CDK10: variants seen among roughly 807,000 people sequenced by gnomAD.
CDK10 encodes cyclin-dependent kinase 10.
Under a neutral mutation model 51.0 loss-of-function variants are expected in CDK10, and 55 were observed. The ratio of observed to expected loss-of-function variants is 1.08; its 90% CI spans 0.87 to 1.35. The LOEUF is 1.35. CDK10 is among the 40% of genes most tolerant of loss of function. The pLI is 0.00. For synonymous variants in CDK10, 255 were observed against 199.1 expected (o/e 1.28, Z -2.36); for missense variants, 589 against 485.1 (o/e 1.21, Z -2.01).
intron 5 of CDK10, 40 bp downstream of exon 5, chr16:89,691,927 A>G (rs1337571046): frequency 3.9e-6 from 6 of 1,547,004 alleles, no homozygotes; most frequent in East Asian, 2.2e-5. Flanking sequence ...AATGGGCTTC[A>G]TGGGCCCTTG....
At chr16:89,686,965 C>G in intron 1 of CDK10, 168 bp downstream of exon 1, 1 of 577,398 alleles carries the variant, frequency 1.7e-6, no homozygotes, top group Non-Finnish European at 2.9e-6. Flanking sequence ...GGGGCGGGCT[C>G]AGGACCCCCG....
At chr16:89,695,251 G>A (rs28548187) in intron 11 of CDK10, 42 bp from the exon 12 acceptor site, 3 of 1,584,564 alleles carry the variant, frequency 1.9e-6, no homozygotes, top group East Asian at 2.3e-5. Flanking sequence ...AGGTGAGGAA[G>A]CCGCACTCAC....
intron 9 of CDK10, 85 bp from the exon 10 acceptor site, chr16:89,694,580 G>T: frequency 6.5e-7 from 1 of 1,539,486 alleles, no homozygotes; most frequent in Non-Finnish European, 8.7e-7. Flanking sequence ...GTCAGCAAAG[G>T]TCTGGCTGCA....
chr16:89,693,175 G>A (rs2060532525), intron 6 of CDK10, 99 bp from the exon 7 acceptor site: 1 of 1,001,360 alleles, frequency 1.0e-6, no homozygotes. Context: ...GCCCAAAGCT[G>A]AGGAAACGTG....
In CDK10 at chr16:89,692,175, TGCTGGGA is replaced by T. The variant is rs1053653457; in HGVS notation, c.418-271_418-265del. 22 of 561,964 alleles carry T rather than the reference TGCTGGGA, an allele frequency of 3.9e-5. No individual in the cohort carries two copies. The Admixed American group carries it at 4.8e-4, about 12-fold the overall frequency. 34.8% of individuals were successfully genotyped at this position (561,964 alleles called of 1,614,324 possible). A position where few individuals can be genotyped will look rare whatever the true frequency, so the allele number is the denominator to read the frequency against. ...TTCTGAGGGCACTGGTTTCCTGGGC[TGCTGGGA>T]GCGGGGAGCCCTGGGCGGAGAGCCT... On this transcript the variant is annotated intron_variant, in intron 5 of 12. Transcript: ENST00000353379.
chr16:89,693,803 C>T (rs2151589975), intron 8 of CDK10: 3 of 542,840 alleles, frequency 5.5e-6, no homozygotes, highest in South Asian at 2.1e-5. Context: ...CCTGGTTCTT[C>T]CTCCTGGATA....
At position 89,695,799 on chromosome 16, in the gene CDK10, TC is replaced by T; in HGVS notation, c.*111del. 1 of 1,562,538 alleles carries T rather than the reference TC, an allele frequency of 6.4e-7. No homozygotes were observed. The highest frequency in any genetic ancestry group is 1.3e-5 in the African/African-American group (1 of 74,244). The stretch of plus-strand genomic sequence containing the variant: ...GACCAGGCGCCCGGGATCCAGCTCA[TC>T]CCCTTGGCTGGGAACATCCTCCACT... On this transcript the variant is annotated 3_prime_UTR_variant, in exon 13 of 13. Transcript: ENST00000353379.
intron 2 of CDK10, 49 bp downstream of exon 2, chr16:89,689,373 G>A (rs1049111110): frequency 6.5e-7 from 1 of 1,545,454 alleles, no homozygotes; most frequent in South Asian, 1.1e-5. Flanking sequence ...GGCTGTGACA[G>A]TGTGGGACGA....
chr16:89,694,718 G>GC lies in CDK10; in HGVS notation c.723dup (p.Thr242HisfsTer19), dbSNP rs755739604. The GC allele has an allele frequency of 6.3e-7, 1 of 1,582,732 alleles. No homozygotes were observed. The highest frequency in any genetic ancestry group is 8.6e-7 in the Non-Finnish European group (1 of 1,165,026). ...CTGGCGCACAGGCCTCTTCTCCCCG[G>GC]CACTTCCGAGATCCACCAGATCGAC... On this transcript the variant is annotated frameshift_variant, in exon 10 of 13. Transcript: ENST00000353379. LOFTEE classifies it high-confidence loss of function.
chr16:89,687,355 G>T, intron 1 of CDK10: 1 of 417,436 alleles, frequency 2.4e-6, no homozygotes, highest in South Asian at 1.7e-5. Context: ...GGTGGGGGTG[G>T]AGAGCCCTGA....
chr16:89,693,436 A>G lies in CDK10; in HGVS notation c.577A>G (p.Lys193Glu). 2 of 1,614,146 alleles carry G rather than the reference A, an allele frequency of 1.2e-6. No homozygotes were observed. The highest frequency in any genetic ancestry group is 3.3e-4 in the Middle Eastern group (2 of 6,048). The change falls in exon 8 of 13, where the codon AAG becomes GAG. Residue 193 changes from lysine (K) to glutamate (E), a missense_variant. Physicochemically the swap from Lys to Glu is moderately conservative, Grantham distance 56. Coordinates refer to ENST00000353379, the MANE Select transcript of CDK10 (RefSeq NM_052988.5). ...GLARAYGVPV[K>E]PMTPKVVTLW... ...GGCCCGGGCCTATGGTGTCCCAGTA[A>G]AGCCAATGACCCCCAAGGTGGTCAC... is the stretch of plus-strand genomic sequence containing the variant.
At chr16:89,695,524 G>T in intron 12 of CDK10, 71 bp from the exon 13 acceptor site, 1 of 1,537,968 alleles carries the variant, frequency 6.5e-7, no homozygotes, top group South Asian at 1.2e-5. Context: ...GGCAGAGCTG[G>T]ACTCAGACCT....
chr16:89,695,842 C>A lies in CDK10; in HGVS notation c.*150C>A. ...TCCTCCACTGACTTCCTCCCACTGT[C>A]TGCCCTGAACCCACTGCTGCCCCCA... On this transcript the variant is annotated 3_prime_UTR_variant, in exon 13 of 13. Coordinates refer to ENST00000353379, the MANE Select transcript of CDK10 (RefSeq NM_052988.5). 6.6e-7 allele frequency: 1 copy of A among 1,513,852 alleles called. No individual in the cohort carries two copies. The highest frequency in any genetic ancestry group is 1.2e-5 in the South Asian group (1 of 83,614). 93.8% of individuals were successfully genotyped at this position (1,513,852 alleles called of 1,614,324 possible).
intron 9 of CDK10, 97 bp from the exon 10 acceptor site, chr16:89,694,568 G>A: frequency 6.5e-7 from 1 of 1,535,078 alleles, no homozygotes; most frequent in East Asian, 2.4e-5. Context: ...CACACTGGCA[G>A]GGTCAGCAAA....
chr16:89,694,326 C>A, intron 9 of CDK10, 94 bp downstream of exon 9: 1 of 1,312,516 alleles, frequency 7.6e-7, no homozygotes, highest in Non-Finnish European at 1.1e-6. Context: ...AGGGGAGGGG[C>A]AGGAGTGCAG....
chr16:89,686,749 G>A lies in CDK10; in HGVS notation c.39G>A (p.Leu13=). 6.2e-7 allele frequency: 1 copy of A among 1,612,420 alleles called. No homozygotes were observed. The highest frequency in any genetic ancestry group is 1.7e-5 in the Admixed American group (1 of 59,938). The part of the protein sequence containing the change: ...EPDLECEQIR[L]KCIRKEGFFT... The stretch of plus-strand genomic sequence containing the variant: ...ATCTGGAGTGCGAGCAGATCCGTCT[G>A]AAGTGTATTCGTAAGGAGGGCTTCT... Residue 13 remains leucine (L), a synonymous_variant, in exon 1 of 13, where the codon CTG becomes CTA. Coordinates refer to ENST00000353379, the MANE Select transcript of CDK10 (RefSeq NM_052988.5).
chr16:89,692,604 T>C, intron 6 of CDK10, 88 bp downstream of exon 6: 2 of 956,510 alleles, frequency 2.1e-6, no homozygotes, highest in Non-Finnish European at 3.0e-6. Flanking sequence ...AGCTCAGGGG[T>C]TCCCAGCTGC....
intron 2 of CDK10, chr16:89,689,584 A>G (rs2060351808): frequency 4.5e-6 from 2 of 447,438 alleles, no homozygotes; most frequent in Non-Finnish European, 8.1e-6. Context: ...ACTGTTAGAG[A>G]AATAAAATAC....
At chr16:89,694,901 C>T (rs1243429741) in intron 10 of CDK10, 30 bp from the exon 11 acceptor site, 2 of 1,534,032 alleles carry the variant, frequency 1.3e-6, no homozygotes, top group Non-Finnish European at 1.8e-6. Flanking sequence ...GTGCCCACGC[C>T]CTCTGCGCCT....
Sources: gnomAD v4.1 joint callset for allele counts on GRCh38, gnomAD v4.1.1 for gene constraint, MANE v1.5 for transcripts, NCBI Gene and HGNC (gene_info 2026-07-23, HGNC 2026-07-21) for gene names.